The following TMEM114 variants were observed in gnomAD, a reference collection of about 807,000 sequenced individuals.
TMEM114 encodes the protein transmembrane protein 114.
Under a neutral mutation model 6.2 loss-of-function variants are expected in TMEM114, and 6 were observed. The ratio of observed to expected loss-of-function variants is 0.97; its 90% CI spans 0.53 to 1.91. TMEM114 has a LOEUF of 1.91. TMEM114 is among the 40% of genes most tolerant of loss of function. The pLI, the probability that TMEM114 is intolerant of heterozygous loss-of-function variation, is 0.01. For synonymous variants in TMEM114, 104 were observed against 73.0 expected, an observed-to-expected ratio of 1.42 and a Z score of -2.16; for missense variants, 218 against 158.3, an observed-to-expected ratio of 1.38 and a Z score of -2.02.
At chr16:8,571,915 C>G (rs1462014750) in intron 3 of TMEM114, among the ~76,000 whole-genome samples, 172 bp downstream of exon 3, 5 of 152,144 alleles carry the variant, frequency 3.3e-5, no homozygotes, top group Non-Finnish European at 7.3e-5. Flanking sequence ...GAACCAGAGA[C>G]TAAGTGATTC....
At chr16:8,569,387 A>T (rs79943255), downstream of TMEM114, 138 of 970,952 alleles carry the variant, frequency 1.4e-4, no homozygotes, top group African/African-American at 2.2e-3. Context: ...CCCAGGAGGT[A>T]GGGCACCCTC....
intron 2 of TMEM114, 173 bp from the exon 3 acceptor site, chr16:8,572,397 T>G: frequency 1.4e-6 from 1 of 721,620 alleles, no homozygotes; most frequent in Non-Finnish European, 2.3e-6. Context: ...ACAACAGTGG[T>G]TGAGGCTCAT....
Position 8,569,520 on chromosome 16 carries a change from T to C in TMEM114, c.*253A>G. 7.2e-7 allele frequency: 1 copy of C among 1,389,504 alleles called. No individual in the cohort carries two copies. The highest frequency in any genetic ancestry group is 9.3e-7 in the Non-Finnish European group (1 of 1,073,138). The allele number at this position is 1,389,504 out of a possible 1,614,324, so 86.1% of individuals were successfully genotyped here. ...CTGTGTGTGATTAAAGGATCGTTTT[T>C]ATTTCTCGCGAAGCGGTTTGGCACT... On this transcript the variant is annotated 3_prime_UTR_variant, in exon 4 of 4. Coordinates refer to ENST00000620492, the MANE Select transcript of TMEM114 (RefSeq NM_001146336.2).
At chr16:8,535,547 G>C (rs116578698), downstream of TMEM114, among the ~76,000 whole-genome samples, 2,338 of 152,096 alleles carry the variant, frequency 0.015, 55 homozygotes, top group African/African-American at 0.052. Context: ...CATTTGCCAA[G>C]TATTAATAAT....
At chr16:8,584,112 T>C (rs1902241288) in intron 2 of TMEM114, among the ~76,000 whole-genome samples, 1 of 152,178 alleles carries the variant, frequency 6.6e-6, no homozygotes, top group African/African-American at 2.4e-5. Flanking sequence ...TGGGAGAGGA[T>C]TTAGCTGAAA....
In TMEM114 at chr16:8,589,599, G is replaced by A; in HGVS notation, c.220+20C>T. 2.5e-6 allele frequency: 1 copy of A among 398,524 alleles called. No homozygotes were observed. Among genetic ancestry groups the A allele is most frequent in the Middle Eastern group, 6.3e-4 (1 of 1,588 alleles). The allele number at this position is 398,524 out of a possible 1,614,324, so 24.7% of individuals were successfully genotyped here. ...GGGGCGTTCGCAGCCACAGCTCCCA[G>A]CCACGGGGTGCACCCTTACCCCGGC... On this transcript the variant is annotated intron_variant, in intron 1 of 3. Transcript: ENST00000620492.
chr16:8,541,494 C>T (rs77509472), intron 2 of TMEM114, among the ~76,000 whole-genome samples: 1,740 of 152,226 alleles, frequency 0.011, 30 homozygotes, highest in African/African-American at 0.04. Context: ...CCATAAGGTT[C>T]AGGAAGGGGA....
chr16:8,557,792 C>T (rs1363226027), intron 2 of TMEM114, among the ~76,000 whole-genome samples: 2 of 152,172 alleles, frequency 1.3e-5, no homozygotes, highest in South Asian at 2.1e-4. Context: ...AGATAAAGCG[C>T]CATCATCATC....
chr16:8,527,524 A>G, the TMEM114 span, among the ~76,000 whole-genome samples: 2 of 143,008 alleles, frequency 1.4e-5, no homozygotes, highest in African/African-American at 5.3e-5. Flanking sequence ...CCCAAGCAAG[A>G]TTTCTAGTCT....
intron 2 of TMEM114, among the ~76,000 whole-genome samples, chr16:8,580,517 A>G (rs1359273186): frequency 1.3e-5 from 2 of 151,726 alleles, no homozygotes; most frequent in Non-Finnish European, 2.9e-5. Context: ...AAAAGAAAAA[A>G]AAAGGAAACA....
At chr16:8,578,678 C>G (rs529648925) in intron 2 of TMEM114, among the ~76,000 whole-genome samples, 2 of 152,190 alleles carry the variant, frequency 1.3e-5, no homozygotes, top group South Asian at 4.2e-4. Flanking sequence ...CACGGAATTA[C>G]TAGTAATATT....
intron 2 of TMEM114, among the ~76,000 whole-genome samples, chr16:8,545,896 C>A (rs1426257624): frequency 6.6e-6 from 1 of 152,156 alleles, no homozygotes; most frequent in Non-Finnish European, 1.5e-5. Flanking sequence ...AGAAGGATTG[C>A]TTGAGCCCAA....
At chr16:8,550,376 GAAT>G (rs1268018063) in intron 2 of TMEM114, among the ~76,000 whole-genome samples, 3 of 152,136 alleles carry the variant, frequency 2.0e-5, no homozygotes, top group African/African-American at 7.2e-5. Flanking sequence ...GTGTTCTCTG[GAAT>G]CTAAAATCTG....
At chr16:8,528,898 G>A in the TMEM114 span, among the ~76,000 whole-genome samples, 1 of 152,230 alleles carries the variant, frequency 6.6e-6, no homozygotes, top group Admixed American at 6.5e-5. Flanking sequence ...TTTTGCCTCT[G>A]GTCATTTGAG....
chr16:8,530,557 G>T, the TMEM114 span, among the ~76,000 whole-genome samples: 1 of 139,446 alleles, frequency 7.2e-6, no homozygotes, highest in Non-Finnish European at 1.6e-5. Context: ...GAGAAAGGAA[G>T]ACAGCGAGGG....
At chr16:8,579,372 G>T (rs140619553) in intron 2 of TMEM114, among the ~76,000 whole-genome samples, 1 of 152,308 alleles carries the variant, frequency 6.6e-6, no homozygotes, top group East Asian at 1.9e-4. Context: ...TCCTAACCTT[G>T]TCAGTGTGAC....
intron 2 of TMEM114, among the ~76,000 whole-genome samples, chr16:8,552,231 A>T (rs1900868767): frequency 6.6e-6 from 1 of 151,908 alleles, no homozygotes; most frequent in East Asian, 1.9e-4. Context: ...AAAAAATTTT[A>T]ATATTAGCCA....
chr16:8,546,727 A>G (rs536764464), intron 2 of TMEM114, among the ~76,000 whole-genome samples: 1 of 152,316 alleles, frequency 6.6e-6, no homozygotes, highest in East Asian at 1.9e-4. Flanking sequence ...ACCACTTGTA[A>G]TTATCCCACC....
At chr16:8,579,954 G>A (rs57590631) in intron 2 of TMEM114, among the ~76,000 whole-genome samples, 6,447 of 152,182 alleles carry the variant, frequency 0.042, 467 homozygotes, top group African/African-American at 0.15. Flanking sequence ...ACCTGGAGGC[G>A]AGACAGTGAG....
Sources: gnomAD v4.1 joint callset for allele counts (sites outside exome capture counted in the v4.1 genomes callset) on GRCh38, gnomAD v4.1.1 for gene constraint, MANE v1.5 for transcripts, NCBI Gene and HGNC (gene_info 2026-07-23, HGNC 2026-07-21) for gene names.